The following VWA8 variants were observed in gnomAD, a reference collection of about 807,000 sequenced individuals.
VWA8 encodes von Willebrand factor A domain-containing protein 8.
Under a neutral mutation model 241.5 loss-of-function variants are expected in VWA8, and 221 were observed. That is an observed-to-expected ratio of 0.91 (90% CI 0.82 to 1.02). The LOEUF (loss-of-function observed/expected upper bound fraction) is 1.02, where lower values mean the gene tolerates loss of function less well. Among genes scored for constraint, VWA8 ranks in the 50% least tolerant of loss-of-function variants. The probability of loss-of-function intolerance (pLI) is 0.00; values close to 1 mark genes in which losing one functional copy is unlikely to be tolerated. For synonymous variants in VWA8, 852 were observed against 827.1 expected (o/e 1.03, Z -0.52); for missense variants, 2,322 against 2,328.7 (o/e 1.00, Z 0.06).
intron 37 of VWA8, among the ~76,000 whole-genome samples, chr13:41,615,465 C>A (rs1593651548): frequency 6.6e-6 from 1 of 152,154 alleles, no homozygotes; most frequent in African/African-American, 2.4e-5. Context: ...CACCACCTAG[C>A]TGATCCAGCT....
chr13:41,680,234 T>A (rs1034092598), intron 35 of VWA8, among the ~76,000 whole-genome samples: 9 of 152,190 alleles, frequency 5.9e-5, no homozygotes, highest in Non-Finnish European at 1.3e-4. Flanking sequence ...AGTACAAATT[T>A]ATTCCCAAGG....
chr13:41,932,569 C>T (rs1022384878), intron 2 of VWA8, among the ~76,000 whole-genome samples: 3 of 151,912 alleles, frequency 2.0e-5, no homozygotes, highest in Non-Finnish European at 2.9e-5. Flanking sequence ...TGTTCACACA[C>T]TGAGTCCAAT....
chr13:41,940,247 C>G (rs1474228523), intron 2 of VWA8, among the ~76,000 whole-genome samples: 2 of 152,068 alleles, frequency 1.3e-5, no homozygotes, highest in African/African-American at 4.8e-5. Context: ...TTATGTTTCA[C>G]TTGAAAAGTG....
At chr13:41,854,085 C>A (rs1401306107) in intron 12 of VWA8, among the ~76,000 whole-genome samples, 1 of 152,074 alleles carries the variant, frequency 6.6e-6, no homozygotes, top group African/African-American at 2.4e-5. Context: ...GCACTTGTTT[C>A]TGCTTGTTTG....
chr13:41,761,058 T>A, intron 21 of VWA8, 70 bp downstream of exon 21: 1 of 1,495,550 alleles, frequency 6.7e-7, no homozygotes, highest in Non-Finnish European at 9.1e-7. Context: ...AAAGTATTTT[T>A]AAATTGTACC....
At chr13:41,632,711 G>A (rs1204147926) in intron 37 of VWA8, among the ~76,000 whole-genome samples, 2 of 152,112 alleles carry the variant, frequency 1.3e-5, no homozygotes, top group African/African-American at 4.8e-5. Flanking sequence ...TGAATCCACT[G>A]CCTACTGATG....
intron 17 of VWA8, among the ~76,000 whole-genome samples, chr13:41,805,847 GACTTAATCTGC>G (rs1351264996): frequency 6.6e-6 from 1 of 151,670 alleles, no homozygotes; most frequent in Non-Finnish European, 1.5e-5. Flanking sequence ...AGAAATGTTG[GACTTAATCTGC>G]ACTACAGACC....
chr13:41,638,343 G>A (rs2044772741), intron 37 of VWA8, among the ~76,000 whole-genome samples: 1 of 152,154 alleles, frequency 6.6e-6, no homozygotes, highest in Non-Finnish European at 1.5e-5. Context: ...CCATATCTAT[G>A]ACTGTTTTAT....
intron 14 of VWA8, 123 bp from the exon 15 acceptor site, chr13:41,819,509 C>G: frequency 9.3e-7 from 1 of 1,073,136 alleles, no homozygotes; most frequent in Non-Finnish European, 1.3e-6. Context: ...TGTTATCATC[C>G]AAAGGATTAG....
chr13:41,946,482 G>A (rs1877854804), intron 2 of VWA8, among the ~76,000 whole-genome samples: 1 of 152,138 alleles, frequency 6.6e-6, no homozygotes, highest in African/African-American at 2.4e-5. Flanking sequence ...AACTTTTAAT[G>A]TATAAAGATA....
chr13:41,593,639 G>C (rs76200590), intron 40 of VWA8, among the ~76,000 whole-genome samples: 4,928 of 152,202 alleles, frequency 0.032, 124 homozygotes, highest in Non-Finnish European at 0.042. Context: ...AGGCTTCCTG[G>C]ATAATTTATC....
Position 41,782,713 on chromosome 13 carries a change from T to C in VWA8, c.2277+1082A>G, listed in dbSNP as rs775480303. Among the ~76,000 whole-genome samples, 68 of 152,018 alleles carry C rather than the reference T, an allele frequency of 4.5e-4. 1 individual carries two copies. The highest frequency in any genetic ancestry group is 8.5e-4 in the Admixed American group (13 of 15,272). ...TAAGAATAATATGTCTAGATACCTATAAAGTTAATATAACTTAAAATATAT... is the reference window on the plus strand; with the variant it reads ...TAAGAATAATATGTCTAGATACCTACAAAGTTAATATAACTTAAAATATAT... On this transcript the variant is annotated intron_variant, in intron 19 of 44. Transcript: ENST00000379310.
chr13:41,741,878 T>G (rs1048525636), intron 21 of VWA8, among the ~76,000 whole-genome samples: 1 of 151,892 alleles, frequency 6.6e-6, no homozygotes, highest in Non-Finnish European at 1.5e-5. Context: ...GTAACAGAAA[T>G]CAAAACAAAG....
At chr13:41,766,735 A>G (rs1352220498) in intron 20 of VWA8, among the ~76,000 whole-genome samples, 2 of 152,040 alleles carry the variant, frequency 1.3e-5, no homozygotes, top group African/African-American at 4.8e-5. Context: ...TCAGCACCAG[A>G]ATGATTTCCT....
chr13:41,804,082 G>T (rs113654738), intron 17 of VWA8, among the ~76,000 whole-genome samples: 5 of 152,260 alleles, frequency 3.3e-5, no homozygotes, highest in South Asian at 2.1e-4. Context: ...ATAGTAAATG[G>T]CCTTAAAGAG....
chr13:41,949,756 T>G (rs972828946), intron 2 of VWA8, among the ~76,000 whole-genome samples, 180 bp downstream of exon 2: 4 of 152,126 alleles, frequency 2.6e-5, no homozygotes, highest in Admixed American at 2.0e-4. Context: ...CTGGGATAGG[T>G]TTTAAATACT....
At position 41,866,034 on chromosome 13, in the gene VWA8, C is replaced by G; in HGVS notation, c.1215G>C (p.Val405=). ...GACTTAATAGCCTGGTCCCGGCTGG[C>G]ACCTATAATTAAAGAGAGGTCAATA... ...RIADKEVTIK[V]PAGTRLLSQP... Residue 405 remains valine (V), a splice_region_variant and synonymous_variant, in exon 11 of 45, where the codon GTG becomes GTC. Coordinates refer to ENST00000379310, the MANE Select transcript of VWA8 (RefSeq NM_015058.2). The G allele has an allele frequency of 1.2e-6, 2 of 1,613,802 alleles. No individual in the cohort carries two copies. Among genetic ancestry groups the G allele is most frequent in the South Asian group, 2.2e-5 (2 of 91,074 alleles).
intron 12 of VWA8, among the ~76,000 whole-genome samples, chr13:41,862,732 C>G (rs1366283041): frequency 6.6e-6 from 1 of 152,148 alleles, no homozygotes; most frequent in African/African-American, 2.4e-5. Flanking sequence ...TGAATACCAT[C>G]TCACACCAGT....
At chr13:41,714,781 A>G (rs942137146) in intron 26 of VWA8, among the ~76,000 whole-genome samples, 1 of 151,972 alleles carries the variant, frequency 6.6e-6, no homozygotes, top group African/African-American at 2.4e-5. Context: ...ACTTTGAACT[A>G]TGGCTAAAAT....
Sources: allele counts gnomAD v4.1 joint callset (sites outside exome capture counted in the v4.1 genomes callset), GRCh38; gene constraint gnomAD v4.1.1; transcripts MANE v1.5; gene names NCBI Gene and HGNC (gene_info 2026-07-23, HGNC 2026-07-21).